Variants in CYP4Z1 observed in about 807,000 individuals in gnomAD.
CYP4Z1 encodes the protein cytochrome P450 family 4 subfamily Z member 1.
A neutral mutation model predicts 54.2 loss-of-function variants in CYP4Z1; 41 were observed. The observed-to-expected ratio is 0.76, with a 90% CI of 0.59 to 0.98. The LOEUF (loss-of-function observed/expected upper bound fraction) is 0.98, where lower values mean the gene tolerates loss of function less well. Ranked by LOEUF, CYP4Z1 falls within the 50% of genes least tolerant of loss-of-function variation. The probability of loss-of-function intolerance (pLI) is 0.00; values close to 1 mark genes in which losing one functional copy is unlikely to be tolerated. For synonymous variants in CYP4Z1, 163 were observed against 206.2 expected (o/e 0.79, Z 1.79); for missense variants, 513 against 599.0 (o/e 0.86, Z 1.50).
intron 7 of CYP4Z1, among the ~76,000 whole-genome samples, chr1:47,095,041 T>C (rs1023230864): frequency 2.0e-5 from 3 of 151,500 alleles, no homozygotes; most frequent in Non-Finnish European, 4.4e-5. Flanking sequence ...TGATACATAT[T>C]GAACTTCCCT....
In CYP4Z1 at chr1:47,082,373, A is replaced by G; in HGVS notation, c.404A>G (p.Lys135Arg). The G allele has an allele frequency of 1.2e-6, 2 of 1,612,962 alleles. No individual in the cohort carries two copies. Among genetic ancestry groups the G allele is most frequent in the Non-Finnish European group, 1.7e-6 (2 of 1,179,602 alleles). Residue 135 changes from lysine to arginine, a missense_variant, in exon 4 of 12, where the codon AAG becomes AGG. Lys to Arg is a conservative substitution (Grantham distance 26). Coordinates refer to ENST00000334194, the MANE Select transcript of CYP4Z1 (RefSeq NM_178134.3). ...ACCCTGGATGGTTCTAAATGGAAAA[A>G]GCACCGCCAGATTGTGAAACCTGGC... The part of the protein sequence containing the change: ...LVTLDGSKWK[K>R]HRQIVKPGFN...
intron 8 of CYP4Z1, among the ~76,000 whole-genome samples, chr1:47,104,042 T>A (rs1194978775): frequency 6.6e-6 from 1 of 152,256 alleles, no homozygotes; most frequent in African/African-American, 2.4e-5. Context: ...TCCTGTGTTC[T>A]TACATTGGTA....
chr1:47,067,157 T>C (rs1421488377), upstream of CYP4Z1, among the ~76,000 whole-genome samples: 3 of 152,054 alleles, frequency 2.0e-5, no homozygotes, highest in African/African-American at 7.2e-5. Context: ...CAAGAATGTA[T>C]AGAGGTGTGA....
chr1:47,093,815 T>C (rs572157717), intron 6 of CYP4Z1, among the ~76,000 whole-genome samples: 4 of 152,212 alleles, frequency 2.6e-5, no homozygotes, highest in African/African-American at 7.2e-5. Context: ...AAAGGAAACG[T>C]TGGAAAGCCA....
chr1:47,061,719 G>A, the CYP4Z1 span, among the ~76,000 whole-genome samples: 81 of 152,240 alleles, frequency 5.3e-4, no homozygotes, highest in African/African-American at 1.9e-3. Context: ...ACCTGGCAGA[G>A]ACACAACAAA....
chr1:47,088,478 T>A (rs1644614073), intron 6 of CYP4Z1, among the ~76,000 whole-genome samples: 1 of 152,254 alleles, frequency 6.6e-6, no homozygotes, highest in Non-Finnish European at 1.5e-5. Context: ...CTAGTTTATT[T>A]GCTTAGAGGC....
At chr1:47,114,448 A>T (rs1163473068) in intron 9 of CYP4Z1, among the ~76,000 whole-genome samples, 4 of 152,238 alleles carry the variant, frequency 2.6e-5, no homozygotes, top group East Asian at 3.8e-4. Context: ...GACAAATGGG[A>T]TCTTATTAAA....
rs1291815851 is a variant in CYP4Z1, at chr1:47,084,758, GGAAGGTAA to G, written c.617+15_617+22del. 11 of 1,613,256 alleles carry G rather than the reference GGAAGGTAA, an allele frequency of 6.8e-6. No homozygotes were observed. In the African/African-American group the frequency reaches 1.1e-4, roughly 16 times the overall value. ...CCAGTTGGACAGGTCAGTGACAAAA[GGAAGGTAA>G]TTGTTTGCCAATAACTGTGTCACCC... is the stretch of plus-strand genomic sequence containing the variant. On this transcript the variant is annotated intron_variant, in intron 5 of 11. Transcript: ENST00000334194.
At chr1:47,112,624 T>C (rs1644801667) in intron 9 of CYP4Z1, among the ~76,000 whole-genome samples, 1 of 152,070 alleles carries the variant, frequency 6.6e-6, no homozygotes, top group African/African-American at 2.4e-5. Flanking sequence ...AATAGCTCAT[T>C]GAAATAAATG....
intron 6 of CYP4Z1, among the ~76,000 whole-genome samples, chr1:47,088,197 A>T (rs1394511039): frequency 2.6e-5 from 4 of 152,174 alleles, no homozygotes; most frequent in Admixed American, 1.3e-4. Context: ...TATCAGGATG[A>T]TGCTGGCCTC....
Position 47,074,322 on chromosome 1 carries a change from T to G in CYP4Z1, c.319+5559T>G, listed in dbSNP as rs542095323. On this transcript the variant is annotated intron_variant, in intron 2 of 11. Coordinates refer to ENST00000334194, the MANE Select transcript of CYP4Z1 (RefSeq NM_178134.3). ...CCCTTTCCTTCCTCCCCCACCCCAGTAGTCCAGAGTGTCTATTGTTGCCAT... is the reference window on the plus strand; with the variant it reads ...CCCTTTCCTTCCTCCCCCACCCCAGGAGTCCAGAGTGTCTATTGTTGCCAT... Among the ~76,000 whole-genome samples the G allele has an allele frequency of 1.5e-4, 23 of 148,506 alleles. No individual in the cohort carries two copies. In the South Asian group the frequency reaches 5.0e-3, roughly 33 times the overall value.
In CYP4Z1 at chr1:47,067,563, C is replaced by A; in HGVS notation, c.73C>A (p.Leu25Met). ...LLLILLCMSL[L>M]LFQVIRLYQR... is the part of the protein sequence containing the mutation. ...GCTGATCCTCCTCTGCATGTCTCTG[C>A]TGCTGTTTCAGGTAATCAGGTTGTA... The change falls in exon 1 of 12, where the codon CTG (leucine) becomes ATG (methionine). Residue 25 changes from leucine (L) to methionine (M), a missense_variant. Physicochemically the swap from Leu to Met is conservative, Grantham distance 15. Transcript: ENST00000334194. The A allele has an allele frequency of 6.2e-7, 1 of 1,613,750 alleles. No individual in the cohort carries two copies. Among genetic ancestry groups the A allele is most frequent in the African/African-American group, 1.3e-5 (1 of 75,008 alleles).
chr1:47,077,487 AT>A (rs1330562234), intron 2 of CYP4Z1, among the ~76,000 whole-genome samples: 1 of 152,184 alleles, frequency 6.6e-6, no homozygotes, highest in African/African-American at 2.4e-5. Context: ...TAAGCAGCAT[AT>A]TAATGGGTCC....
chr1:47,101,779 A>G (rs1644723678), intron 8 of CYP4Z1, among the ~76,000 whole-genome samples: 1 of 152,116 alleles, frequency 6.6e-6, no homozygotes, highest in African/African-American at 2.4e-5. Context: ...CCAACGTGCA[A>G]TTTAAATCCA....
chr1:47,068,539 C>T, intron 1 of CYP4Z1, 83 bp from the exon 2 acceptor site: 5 of 1,546,438 alleles, frequency 3.2e-6, no homozygotes, highest in South Asian at 2.5e-5. Context: ...AGATCCTCAA[C>T]TTAGCACATG....
intron 6 of CYP4Z1, among the ~76,000 whole-genome samples, chr1:47,090,770 C>CTTGAGTGTGAT (rs534076924): frequency 0.15 from 22,472 of 147,572 alleles, 2,416 homozygotes; most frequent in African/African-American, 0.3. Flanking sequence ...CAGGCTTTGA[C>CTTGAGTGTGAT]TTGAGTGTGA....
chr1:47,093,714 A>G (rs1053655366), intron 6 of CYP4Z1, among the ~76,000 whole-genome samples: 3 of 152,198 alleles, frequency 2.0e-5, no homozygotes, highest in Non-Finnish European at 4.4e-5. Flanking sequence ...AAATTTGGCT[A>G]TGGAAGACAT....
chr1:47,086,429 T>C (rs537100163), intron 6 of CYP4Z1, among the ~76,000 whole-genome samples: 8 of 152,370 alleles, frequency 5.3e-5, no homozygotes, highest in Admixed American at 3.3e-4. Flanking sequence ...TTGATTTGCA[T>C]TTCTCTGATG....
chr1:47,076,568 G>T (rs546139664), intron 2 of CYP4Z1, among the ~76,000 whole-genome samples: 1 of 151,904 alleles, frequency 6.6e-6, no homozygotes, highest in Non-Finnish European at 1.5e-5. Context: ...CTTGTTGGCC[G>T]GGCATGGTGG....
Sources: gnomAD v4.1 joint callset for allele counts (sites outside exome capture counted in the v4.1 genomes callset) on GRCh38, gnomAD v4.1.1 for gene constraint, MANE v1.5 for transcripts, NCBI Gene and HGNC (gene_info 2026-07-23, HGNC 2026-07-21) for gene names.